The following ATP10A variants were observed in gnomAD, a reference collection of about 807,000 sequenced individuals.
The protein encoded by ATP10A is phospholipid-transporting ATPase VA.
Under a neutral mutation model 147.8 loss-of-function variants are expected in ATP10A, and 111 were observed. The ratio of observed to expected loss-of-function variants is 0.75; its 90% CI spans 0.64 to 0.88. ATP10A has a LOEUF of 0.88. ATP10A is among the 40% of genes least tolerant of loss of function. The probability of loss-of-function intolerance (pLI) is 0.00; values close to 1 mark genes in which losing one functional copy is unlikely to be tolerated. For missense variants in ATP10A, 1,927 were observed against 1,959.0 expected, an observed-to-expected ratio of 0.98 and a Z score of 0.31; for synonymous variants, 875 against 841.6, an observed-to-expected ratio of 1.04 and a Z score of -0.69.
At position 25,862,685 on chromosome 15, in the gene ATP10A, G is replaced by A; in HGVS notation, c.412C>T (p.His138Tyr). The A allele has an allele frequency of 6.2e-7, 1 of 1,603,594 alleles. No individual in the cohort carries two copies. Among genetic ancestry groups the A allele is most frequent in the East Asian group, 2.2e-5 (1 of 44,592 alleles). Residue 138 changes from histidine (H) to tyrosine (Y), a missense_variant, in exon 1 of 21, where the codon CAC becomes TAC. Coordinates refer to ENST00000555815, the MANE Select transcript of ATP10A (RefSeq NM_024490.4). The part of the protein sequence containing the change: ...WEDYSRHRSD[H>Y]KINHLGCLVF... ...AGGCAGCCCAGGTGGTTGATCTTGT[G>A]GTCGGAGCGGTGGCGGCTGTAGTCC...
intron 1 of ATP10A, among the ~76,000 whole-genome samples, chr15:25,843,219 AC>A (rs1227204501): frequency 4.7e-5 from 1 of 21,498 alleles, no homozygotes; most frequent in East Asian, 2.2e-3. Context: ...CCCACCCTCC[AC>A]CCCCCACCCC....
At chr15:25,840,518 G>A (rs545090575) in intron 1 of ATP10A, among the ~76,000 whole-genome samples, 2 of 152,104 alleles carry the variant, frequency 1.3e-5, no homozygotes, top group East Asian at 1.9e-4. Context: ...GTATTCCACC[G>A]TATGGAGGGA....
At position 25,718,104 on chromosome 15, in the gene ATP10A, A is replaced by T. The variant is rs933738940; in HGVS notation, c.1581+78T>A. ...AGTGTATTTGTAGGATTAAATATAG[A>T]CACCTTCCATGAGCGGGGGATGGTG... On this transcript the variant is annotated intron_variant, in intron 8 of 20. Coordinates refer to ENST00000555815, the MANE Select transcript of ATP10A (RefSeq NM_024490.4). 3 of 1,446,038 alleles carry T rather than the reference A, an allele frequency of 2.1e-6. No individual in the cohort carries two copies. In the African/African-American group the frequency reaches 4.2e-5, roughly 20 times the overall value. The allele number at this position is 1,446,038 out of a possible 1,614,324, so 89.6% of individuals were successfully genotyped here. A position where few individuals can be genotyped will look rare whatever the true frequency, so the allele number is the denominator to read the frequency against.
intron 1 of ATP10A, among the ~76,000 whole-genome samples, chr15:25,829,786 G>A (rs1278368450): frequency 7.2e-5 from 11 of 152,134 alleles, no homozygotes; most frequent in Non-Finnish European, 1.3e-4. Context: ...GTAGTGGGAT[G>A]GGAGGCGGAG....
chr15:25,780,962 A>G, intron 2 of ATP10A, 57 bp downstream of exon 2: 7 of 1,559,924 alleles, frequency 4.5e-6, no homozygotes, highest in Non-Finnish European at 4.4e-6. Flanking sequence ...GAAGGCTGTC[A>G]TGGGGACACT....
intron 1 of ATP10A, among the ~76,000 whole-genome samples, chr15:25,807,593 AAG>A (rs1891249855): frequency 6.6e-6 from 1 of 152,194 alleles, no homozygotes; most frequent in South Asian, 2.1e-4. Context: ...ACCTGAGGTC[AAG>A]AGTTCGAGAC....
At position 25,718,528 on chromosome 15, in the gene ATP10A, C is replaced by T. The variant is rs1434823317; in HGVS notation, c.1364-129G>A. ...AGCCCCACAGGATTCACCACCCTTGCTCTCTAATAGCAAGGCACGGAGAAC... is the reference window on the plus strand; with the variant it reads ...AGCCCCACAGGATTCACCACCCTTGTTCTCTAATAGCAAGGCACGGAGAAC... On this transcript the variant is annotated intron_variant, in intron 7 of 20. Transcript: ENST00000555815. The T allele has an allele frequency of 7.6e-6, 7 of 925,044 alleles. No individual in the cohort carries two copies. The African/African-American group carries it at 1.1e-4, about 15-fold the overall frequency. The allele number at this position is 925,044 out of a possible 1,614,324, so 57.3% of individuals were successfully genotyped here. A position where few individuals can be genotyped will look rare whatever the true frequency, so the allele number is the denominator to read the frequency against.
At chr15:25,792,726 G>T (rs1890486931) in intron 1 of ATP10A, among the ~76,000 whole-genome samples, 1 of 152,084 alleles carries the variant, frequency 6.6e-6, no homozygotes, top group African/African-American at 2.4e-5. Context: ...ACCTCCAGGA[G>T]ACTTGTTTGG....
intron 1 of ATP10A, among the ~76,000 whole-genome samples, chr15:25,806,379 C>A (rs1891184993): frequency 6.6e-6 from 1 of 151,988 alleles, no homozygotes; most frequent in Admixed American, 6.6e-5. Flanking sequence ...GTGGCACGAT[C>A]TCTGCTCACT....
At chr15:25,694,725 G>A (rs1433950376) in intron 14 of ATP10A, 94 bp downstream of exon 14, 51 of 1,110,628 alleles carry the variant, frequency 4.6e-5, no homozygotes, top group Admixed American at 1.3e-4. Flanking sequence ...AGAAAGGTGA[G>A]GAAGTGTTTT....
chr15:25,736,853 A>T (rs1887316656), intron 2 of ATP10A, among the ~76,000 whole-genome samples: 1 of 152,204 alleles, frequency 6.6e-6, no homozygotes, highest in African/African-American at 2.4e-5. Context: ...CAGGCCTGGC[A>T]TTCTACTTAA....
downstream of ATP10A, chr15:25,678,145 G>C (rs754740003): frequency 2.6e-5 from 4 of 152,034 alleles, no homozygotes; most frequent in Non-Finnish European, 5.9e-5. Flanking sequence ...TGACTGGAAT[G>C]AGGTGCATTT....
chr15:25,745,266 C>T (rs1267992270), intron 2 of ATP10A, among the ~76,000 whole-genome samples: 1 of 151,720 alleles, frequency 6.6e-6, no homozygotes, highest in African/African-American at 2.4e-5. Flanking sequence ...GCGGAGGTTG[C>T]AGCTTGAACC....
At chr15:25,805,439 C>A (rs1891138430) in intron 1 of ATP10A, among the ~76,000 whole-genome samples, 1 of 152,224 alleles carries the variant, frequency 6.6e-6, no homozygotes, top group Non-Finnish European at 1.5e-5. Context: ...CCACTCACTG[C>A]AGCACACTTT....
Position 25,679,234 on chromosome 15 carries a change from G to A in ATP10A, c.*107C>T, listed in dbSNP as rs549742970. 6.5e-6 allele frequency: 6 copies of A among 922,758 alleles called. No homozygotes were observed. In the African/African-American group the frequency reaches 6.9e-5, roughly 11 times the overall value. The allele number at this position is 922,758 out of a possible 1,614,324, so 57.2% of individuals were successfully genotyped here. A position where few individuals can be genotyped will look rare whatever the true frequency, so the allele number is the denominator to read the frequency against. On this transcript the variant is annotated 3_prime_UTR_variant, in exon 21 of 21. Coordinates refer to ENST00000555815, the MANE Select transcript of ATP10A (RefSeq NM_024490.4). ...TACCTCTTGTTTCCTGTATTAGCCT[G>A]GGAAACATTTAGAAATACATCTCCC...
chr15:25,850,584 A>G (rs1657069649), intron 1 of ATP10A, among the ~76,000 whole-genome samples: 1 of 151,970 alleles, frequency 6.6e-6, no homozygotes, highest in Non-Finnish European at 1.5e-5. Flanking sequence ...GAGAACTGGA[A>G]CTGTGTAGAG....
At chr15:25,787,646 A>C (rs1220554118) in intron 1 of ATP10A, among the ~76,000 whole-genome samples, 1 of 151,988 alleles carries the variant, frequency 6.6e-6, no homozygotes, top group East Asian at 1.9e-4. Context: ...AAGAAAAAGA[A>C]AAAGAAAAGA....
chr15:25,700,989 T>G (rs1311900164), intron 13 of ATP10A, among the ~76,000 whole-genome samples: 1 of 148,964 alleles, frequency 6.7e-6, no homozygotes, highest in Non-Finnish European at 1.5e-5. Flanking sequence ...CTTGCATAGA[T>G]GTGAGAGGAA....
chr15:25,694,835 G>C lies in ATP10A; in HGVS notation c.3072C>G (p.Ala1024=), dbSNP rs770653597. The C allele has an allele frequency of 6.2e-7, 1 of 1,611,380 alleles. No individual in the cohort carries two copies. Among genetic ancestry groups the C allele is most frequent in the Non-Finnish European group, 8.5e-7 (1 of 1,178,138 alleles). ...VVKLVRSKLK[A]MTLAIGDGAN... ...GATACTTGCCTATGGCCAGGGTCAT[G>C]GCCTTGAGCTTGCTCCGCACCAGCT... The change falls in exon 14 of 21, where the codon GCC becomes GCG. Residue 1024 remains alanine (A), a synonymous_variant. Coordinates refer to ENST00000555815, the MANE Select transcript of ATP10A (RefSeq NM_024490.4).
Sources: allele counts gnomAD v4.1 joint callset (sites outside exome capture counted in the v4.1 genomes callset), GRCh38; gene constraint gnomAD v4.1.1; transcripts MANE v1.5; gene names NCBI Gene and HGNC (gene_info 2026-07-23, HGNC 2026-07-21).